Variants in PANK1 observed in about 807,000 individuals in gnomAD.
PANK1 encodes pantothenate kinase 1.
Under a neutral mutation model 40.1 loss-of-function variants are expected in PANK1, and 18 were observed. The ratio of observed to expected loss-of-function variants is 0.45; its 90% confidence interval spans 0.31 to 0.67. The LOEUF (loss-of-function observed/expected upper bound fraction) is 0.67, where lower values mean the gene tolerates loss of function less well. PANK1 is among the 30% of genes least tolerant of loss of function. The pLI is 0.06. For synonymous variants in PANK1, 242 were observed against 237.7 expected, an observed-to-expected ratio of 1.02 and a Z score of -0.17; for missense variants, 457 against 599.6, an observed-to-expected ratio of 0.76 and a Z score of 2.48.
intron 3 of PANK1, among the ~76,000 whole-genome samples, chr10:89,596,457 A>G (rs2133937374): frequency 6.6e-6 from 1 of 152,358 alleles, no homozygotes; most frequent in Admixed American, 6.5e-5. Context: ...CACATAAAGA[A>G]TTGGAGCAAA....
downstream of PANK1, chr10:89,580,173 TAGCCATCCTACTTAC>T (rs1844027382): frequency 6.6e-6 from 1 of 152,216 alleles, no homozygotes; most frequent in Non-Finnish European, 1.5e-5. Flanking sequence ...ATAATTTTTA[TAGCCATCCTACTTAC>T]AGCGAAAGCA....
intron 5 of PANK1, among the ~76,000 whole-genome samples, chr10:89,590,616 C>T (rs7903124): frequency 0.61 from 93,139 of 151,842 alleles, 29,073 homozygotes; most frequent in East Asian, 0.93. Flanking sequence ...GTGTGTATAC[C>T]GTATACAAAT....
rs188315472 is a variant in PANK1 at position 89,616,759 on chromosome 10, A to G, written c.293-4711T>C. ...ATCATAGTGAAACCCTATCTCTACT[A>G]AAAATACGAAAATTGGCCAGGCGTG... On this transcript the variant is annotated intron_variant, in intron 1 of 6. Transcript: ENST00000307534. 1.3e-3 allele frequency among the ~76,000 whole-genome samples: 204 copies of G among 152,252 alleles called. 1 individual carries two copies. The highest frequency in any genetic ancestry group is 4.2e-3 in the South Asian group (20 of 4,812).
At position 89,623,135 on chromosome 10, in the gene PANK1, G is replaced by T. The variant is rs538842615; in HGVS notation, c.293-11087C>A. On this transcript the variant is annotated intron_variant, in intron 1 of 6. Coordinates refer to ENST00000307534, the MANE Select transcript of PANK1 (RefSeq NM_148977.3). Reference sequence around the variant, plus strand: ...ACACACACAAAACTAGAAACTTTAGGCCAAAATGTTAATAGCTGGATCATG... The same window carrying T: ...ACACACACAAAACTAGAAACTTTAGTCCAAAATGTTAATAGCTGGATCATG... Among the ~76,000 whole-genome samples the T allele has an allele frequency of 3.3e-5, 5 of 152,166 alleles. No individual in the cohort carries two copies. In the South Asian group the frequency reaches 1.0e-3, roughly 32 times the overall value.
chr10:89,607,637 T>A (rs1845008791), intron 2 of PANK1, among the ~76,000 whole-genome samples: 1 of 152,230 alleles, frequency 6.6e-6, no homozygotes. Context: ...GCAGAATTAA[T>A]GACTTTTTAA....
intron 1 of PANK1, among the ~76,000 whole-genome samples, chr10:89,613,361 CCA>C (rs1239356566): frequency 6.6e-6 from 1 of 152,184 alleles, no homozygotes; most frequent in East Asian, 1.9e-4. Flanking sequence ...GTCAAATTGT[CCA>C]CACTGCCAGA....
intron 3 of PANK1, among the ~76,000 whole-genome samples, chr10:89,595,092 T>C (rs1283286829): frequency 6.6e-6 from 1 of 152,220 alleles, no homozygotes; most frequent in African/African-American, 2.4e-5. Context: ...TGTTTAATAA[T>C]GTCAATAACT....
chr10:89,632,077 G>A (rs936906766), intron 1 of PANK1, among the ~76,000 whole-genome samples: 2 of 151,514 alleles, frequency 1.3e-5, no homozygotes, highest in South Asian at 2.1e-4. Flanking sequence ...TTATAAAATT[G>A]GACATGATTT....
chr10:89,585,518 T>C (rs1473511637), intron 6 of PANK1, among the ~76,000 whole-genome samples: 3 of 152,178 alleles, frequency 2.0e-5, no homozygotes, highest in Admixed American at 1.3e-4. Flanking sequence ...TGCTGTCTGC[T>C]TACATTTATT....
chr10:89,594,663 T>A (rs1038562946), intron 3 of PANK1, among the ~76,000 whole-genome samples: 1 of 152,172 alleles, frequency 6.6e-6, no homozygotes, highest in African/African-American at 2.4e-5. Flanking sequence ...TACCACTCCA[T>A]AGTAAAAAAC....
chr10:89,603,284 T>C (rs1844842832), intron 2 of PANK1, among the ~76,000 whole-genome samples: 2 of 152,174 alleles, frequency 1.3e-5, no homozygotes, highest in African/African-American at 4.8e-5. Context: ...GATGCATACA[T>C]GGACTCTTTT....
At chr10:89,593,789 T>C in intron 4 of PANK1, 24 bp downstream of exon 4, 1 of 1,586,252 alleles carries the variant, frequency 6.3e-7, no homozygotes, top group Non-Finnish European at 8.7e-7. Context: ...TAATCACTAC[T>C]GCTCCTAGCT....
chr10:89,606,194 T>C lies in PANK1; in HGVS notation c.645+5502A>G, dbSNP rs543598510. 9.8e-5 allele frequency among the ~76,000 whole-genome samples: 15 copies of C among 152,328 alleles called. No individual in the cohort carries two copies. The East Asian group carries it at 2.1e-3, about 22-fold the overall frequency. ...CGATTTTCAGAATGGTCCATGAGCG[T>C]CGGCTTCAACTTCAAGTCACCGGCT... On this transcript the variant is annotated intron_variant, in intron 2 of 6. Coordinates refer to ENST00000307534, the MANE Select transcript of PANK1 (RefSeq NM_148977.3).
Position 89,583,534 on chromosome 10 carries a change from T to C in PANK1, c.*872A>G, listed in dbSNP as rs189473485. On this transcript the variant is annotated 3_prime_UTR_variant, in exon 7 of 7. Transcript: ENST00000307534. Reference sequence around the variant, plus strand: ...TTCTTGCACAAAGATTTGCTGCCATTCATATTCTGTGCATGGATGAGGACA... The same window carrying C: ...TTCTTGCACAAAGATTTGCTGCCATCCATATTCTGTGCATGGATGAGGACA... The C allele has an allele frequency of 1.3e-4, 20 of 152,338 alleles. No homozygotes were observed. Among genetic ancestry groups the C allele is most frequent in the African/African-American group, 4.6e-4 (19 of 41,588 alleles). 9.4% of individuals were successfully genotyped at this position (152,338 alleles called of 1,614,324 possible). A position where few individuals can be genotyped will look rare whatever the true frequency, so the allele number is the denominator to read the frequency against.
intron 5 of PANK1, chr10:89,592,688 C>A (rs11185776): frequency 0.012 from 6,191 of 530,004 alleles, 274 homozygotes; most frequent in African/African-American, 0.11. Context: ...CTTTGTATGT[C>A]ACCAGCTCCA....
intron 1 of PANK1, among the ~76,000 whole-genome samples, chr10:89,631,976 G>GTGTGT (rs199540491): frequency 1.1e-4 from 16 of 143,338 alleles, no homozygotes; most frequent in African/African-American, 3.6e-4. Context: ...GTGTGTGTGT[G>GTGTGT]TTTTTTTTTT....
At chr10:89,596,713 C>T (rs893877151) in intron 3 of PANK1, among the ~76,000 whole-genome samples, 3 of 152,182 alleles carry the variant, frequency 2.0e-5, no homozygotes, top group Non-Finnish European at 4.4e-5. Flanking sequence ...AGAATATTAT[C>T]ATCATTTAAA....
chr10:89,625,924 G>A (rs1001110248), intron 1 of PANK1: 2 of 152,068 alleles, frequency 1.3e-5, no homozygotes, highest in Admixed American at 6.6e-5. Context: ...CAGTCTTTTC[G>A]TTAAGTCCCT....
intron 1 of PANK1, among the ~76,000 whole-genome samples, chr10:89,615,991 G>A (rs995349885): frequency 2.6e-5 from 4 of 152,168 alleles, no homozygotes; most frequent in African/African-American, 9.7e-5. Flanking sequence ...ACTAATAAGA[G>A]CTTATTCTGT....
Sources: gnomAD v4.1 joint callset for allele counts (sites outside exome capture counted in the v4.1 genomes callset) on GRCh38, gnomAD v4.1.1 for gene constraint, MANE v1.5 for transcripts, NCBI Gene and HGNC (gene_info 2026-07-23, HGNC 2026-07-21) for gene names.